GRTP1: variants seen among roughly 807,000 people sequenced by gnomAD.
GRTP1 encodes growth hormone-regulated TBC protein 1.
Under a neutral mutation model 38.1 loss-of-function variants are expected in GRTP1, and 56 were observed. The ratio of observed to expected loss-of-function variants is 1.47; its 90% confidence interval spans 1.19 to 1.84. The LOEUF (loss-of-function observed/expected upper bound fraction) is 1.84. GRTP1 is among the 40% of genes most tolerant of loss of function. The pLI, the probability that GRTP1 is intolerant of heterozygous loss-of-function variation, is 0.00. For missense variants in GRTP1, 506 were observed against 453.9 expected, an observed-to-expected ratio of 1.11 and a Z score of -1.04; for synonymous variants, 217 against 189.5, an observed-to-expected ratio of 1.14 and a Z score of -1.19.
chr13:113,333,838 A>ATTTAGTGTGTGTGTGTGT (rs749095615), intron 5 of GRTP1, among the ~76,000 whole-genome samples: 2 of 23,598 alleles, frequency 8.5e-5, no homozygotes, highest in African/African-American at 1.4e-4. Context: ...TTATTTATTT[A>ATTTAGTGTGTGTGTGTGT]GTGTGTGTGT....
At chr13:113,350,054 C>T (rs547728578) in intron 4 of GRTP1, among the ~76,000 whole-genome samples, 190 of 152,192 alleles carry the variant, frequency 1.2e-3, no homozygotes, top group African/African-American at 4.3e-3. Context: ...CAGGCAGTCA[C>T]GGGCTGTGCG....
intron 2 of GRTP1, among the ~76,000 whole-genome samples, chr13:113,363,457 G>A (rs1022122429): frequency 1.3e-5 from 2 of 151,938 alleles, no homozygotes; most frequent in Non-Finnish European, 2.9e-5. Context: ...CGCCCGCCTC[G>A]GCCTCCCAAA....
intron 3 of GRTP1, among the ~76,000 whole-genome samples, chr13:113,354,597 C>T (rs572728283): frequency 1.4e-4 from 21 of 151,722 alleles, no homozygotes; most frequent in African/African-American, 5.1e-4. Flanking sequence ...GGTGCAATCC[C>T]AACTCACCGC....
chr13:113,359,112 G>T (rs1165188197), intron 2 of GRTP1, among the ~76,000 whole-genome samples: 1 of 152,174 alleles, frequency 6.6e-6, no homozygotes, highest in Non-Finnish European at 1.5e-5. Flanking sequence ...GATCTCCAAC[G>T]CATTAGGTGA....
At chr13:113,326,209 G>T in intron 5 of GRTP1, 118 bp from the exon 6 acceptor site, 1 of 1,266,988 alleles carries the variant, frequency 7.9e-7, no homozygotes, top group East Asian at 2.5e-5. Context: ...TCCCAAGAGG[G>T]AGGGACAAAG....
At chr13:113,326,684 A>C (rs1433186227) in intron 5 of GRTP1, among the ~76,000 whole-genome samples, 1 of 151,918 alleles carries the variant, frequency 6.6e-6, no homozygotes, top group Non-Finnish European at 1.5e-5. Context: ...AAAACAAACA[A>C]ACAAAAATCT....
At chr13:113,353,198 C>T (rs2043317419) in intron 3 of GRTP1, among the ~76,000 whole-genome samples, 1 of 150,362 alleles carries the variant, frequency 6.7e-6, no homozygotes, top group Admixed American at 6.6e-5. Flanking sequence ...AGCAGGGGCC[C>T]AGCCCCACAC....
intron 5 of GRTP1, among the ~76,000 whole-genome samples, chr13:113,329,166 G>T (rs1267658332): frequency 2.0e-5 from 3 of 152,258 alleles, no homozygotes; most frequent in Non-Finnish European, 4.4e-5. Flanking sequence ...CCAGCTGGGG[G>T]ACCTAAGGTG....
At chr13:113,352,337 T>TTATATATATATTTATATATATTTTATA (rs2043296598) in intron 3 of GRTP1, among the ~76,000 whole-genome samples, 1,119 of 51,384 alleles carry the variant, frequency 0.022, 56 homozygotes, top group African/African-American at 0.073. Context: ...TATATATATT[T>TTATATATATATTTATATATATTTTATA]TATATATATA....
chr13:113,325,836 C>T lies in GRTP1; in HGVS notation c.746G>A (p.Arg249Gln), dbSNP rs747104817. Reference sequence around the variant, plus strand: ...TTCGTTAAACAAACAGTCCCAGATCCGAAGCACTGTCTGCAGAGACATGGG... The same window carrying T: ...TTCGTTAAACAAACAGTCCCAGATCTGAAGCACTGTCTGCAGAGACATGGG... ...VDILPVETVLRIWDCLFNEGS... is the reference protein window; with the variant it reads ...VDILPVETVLQIWDCLFNEGS... Residue 249 changes from arginine to glutamine, a missense_variant, in exon 7 of 8, where the codon CGG (arginine) becomes CAG (glutamine). Physicochemically the swap from Arg to Gln is conservative, Grantham distance 43 (BLOSUM62 1). Coordinates refer to ENST00000375431, the MANE Select transcript of GRTP1 (RefSeq NM_024719.4). The T allele has an allele frequency of 1.9e-5, 30 of 1,613,286 alleles. No homozygotes were observed. Among genetic ancestry groups the T allele is most frequent in the Non-Finnish European group, 2.4e-5 (28 of 1,179,580 alleles).
In GRTP1 at chr13:113,345,939, T is replaced by C. The variant is rs1353366792; in HGVS notation, c.466-980A>G. Reference sequence around the variant, plus strand: ...TGCTTCGAGCTGATGACGGAAATGCTGGGAAGACCTCTGTGGCCAAAAGCA... The same window carrying C: ...TGCTTCGAGCTGATGACGGAAATGCCGGGAAGACCTCTGTGGCCAAAAGCA... On this transcript the variant is annotated intron_variant, in intron 4 of 7. Transcript: ENST00000375431. Among the ~76,000 whole-genome samples, 8 of 150,606 alleles carry C rather than the reference T, an allele frequency of 5.3e-5. No homozygotes were observed. The South Asian group carries it at 1.0e-3, about 20-fold the overall frequency.
At chr13:113,352,234 A>ATATATATATT (rs201594482) in intron 3 of GRTP1, among the ~76,000 whole-genome samples, 57,136 of 111,402 alleles carry the variant, frequency 0.51, 14,886 homozygotes, top group Middle Eastern at 0.63. Flanking sequence ...TTCTATATTT[A>ATATATATATT]TATATATATT....
In GRTP1 at chr13:113,324,300, T is replaced by G. The variant is rs1280114198; in HGVS notation, c.*188A>C. 3.8e-6 allele frequency: 3 copies of G among 796,896 alleles called. No homozygotes were observed. The highest frequency in any genetic ancestry group is 5.3e-6 in the Non-Finnish European group (3 of 564,952). 49.4% of individuals were successfully genotyped at this position (796,896 alleles called of 1,614,324 possible). The stretch of plus-strand genomic sequence containing the variant: ...GTTTTCTTTAAAAAGTATGACTTCA[T>G]AGCTAATCATCAAAAGCTGGTAGAA... On this transcript the variant is annotated 3_prime_UTR_variant, in exon 8 of 8. Coordinates refer to ENST00000375431, the MANE Select transcript of GRTP1 (RefSeq NM_024719.4).
At chr13:113,333,389 T>G (rs1380003115) in intron 5 of GRTP1, among the ~76,000 whole-genome samples, 1 of 152,060 alleles carries the variant, frequency 6.6e-6, no homozygotes, top group Admixed American at 6.5e-5. Flanking sequence ...TTTGCCAAAC[T>G]CACGAATGCA....
chr13:113,361,109 CAAAAAAAAAAA>C (rs57785391), intron 2 of GRTP1, among the ~76,000 whole-genome samples: 3 of 92,952 alleles, frequency 3.2e-5, no homozygotes, highest in Non-Finnish European at 6.6e-5. Flanking sequence ...GACTTTGACT[CAAAAAAAAAAA>C]AAAAAAAAAA....
intron 4 of GRTP1, among the ~76,000 whole-genome samples, chr13:113,346,021 CAGACCT>C (rs1566428666): frequency 1.5e-4 from 13 of 86,228 alleles, no homozygotes; most frequent in East Asian, 3.6e-4. Flanking sequence ...TGCGGCTGAG[CAGACCT>C]GGGAAGACAT....
intron 5 of GRTP1, among the ~76,000 whole-genome samples, chr13:113,332,323 TAC>T (rs1217555613): frequency 0.01 from 142 of 13,870 alleles, no homozygotes; most frequent in African/African-American, 0.024. Context: ...CACACACAGG[TAC>T]ACACGTGCAC....
chr13:113,353,523 G>C (rs530284959), intron 3 of GRTP1, among the ~76,000 whole-genome samples: 1 of 152,082 alleles, frequency 6.6e-6, no homozygotes, highest in Admixed American at 6.5e-5. Context: ...CGCAGCCCAC[G>C]GGACTCCTCT....
At chr13:113,329,002 G>C (rs1185650560) in intron 5 of GRTP1, among the ~76,000 whole-genome samples, 1 of 152,268 alleles carries the variant, frequency 6.6e-6, no homozygotes, top group Non-Finnish European at 1.5e-5. Flanking sequence ...GAAGCCTGAA[G>C]GTAGCAGGCT....
Sources: allele counts gnomAD v4.1 joint callset (sites outside exome capture counted in the v4.1 genomes callset), GRCh38; gene constraint gnomAD v4.1.1; transcripts MANE v1.5; gene names NCBI Gene and HGNC (gene_info 2026-07-23, HGNC 2026-07-21).